RASSF3: variants seen among roughly 807,000 people sequenced by gnomAD.
RASSF3 encodes ras association domain-containing protein 3.
In RASSF3, 19 loss-of-function variants were observed where a neutral mutation model predicts 19.9. The observed-to-expected ratio is 0.96, with a 90% CI of 0.67 to 1.40. The LOEUF (loss-of-function observed/expected upper bound fraction) is 1.40. Among genes scored for constraint, RASSF3 ranks in the 40% most tolerant of loss-of-function variants. The probability of loss-of-function intolerance (pLI) is 0.00; values close to 1 mark genes in which losing one functional copy is unlikely to be tolerated. For synonymous variants in RASSF3, 110 were observed against 104.2 expected (o/e 1.06, Z -0.34); for missense variants, 306 against 289.8 (o/e 1.06, Z -0.41).
At chr12:64,642,056 C>CTATATATGGA (rs1311651977) in intron 1 of RASSF3, among the ~76,000 whole-genome samples, 2 of 151,920 alleles carry the variant, frequency 1.3e-5, no homozygotes, top group Non-Finnish European at 2.9e-5. Context: ...ATTCTGATTT[C>CTATATATGGA]TATATATGGA....
intron 1 of RASSF3, among the ~76,000 whole-genome samples, chr12:64,653,000 T>C (rs1362102158): frequency 6.6e-6 from 1 of 152,284 alleles, no homozygotes; most frequent in Non-Finnish European, 1.5e-5. Context: ...GCCTCTCTCA[T>C]TGGTTTATAC....
At chr12:64,669,020 C>T (rs1028286617) in intron 1 of RASSF3, among the ~76,000 whole-genome samples, 2 of 152,096 alleles carry the variant, frequency 1.3e-5, no homozygotes, top group South Asian at 4.1e-4. Context: ...AAGTCAAGTC[C>T]TAAATTGAAA....
rs533377647 is a variant in RASSF3, at chr12:64,603,657, GC to G, written c.294+61953del. ...GTAATCATATTAGCTAACATCATGA[GC>G]TTTTATTATGTGCCAGGCACAATGT... On this transcript the variant is annotated intron_variant, in intron 2 of 5. Transcript: ENST00000637125. Among the ~76,000 whole-genome samples the G allele has an allele frequency of 3.3e-4, 50 of 152,272 alleles. No individual in the cohort carries two copies. The South Asian group carries it at 9.7e-3, about 30-fold the overall frequency.
rs374727059 is a variant in RASSF3, at chr12:64,639,483, A to G, written c.111+28740A>G. Among the ~76,000 whole-genome samples the G allele has an allele frequency of 8.5e-5, 13 of 152,092 alleles. No homozygotes were observed. The East Asian group carries it at 2.3e-3, about 27-fold the overall frequency. On this transcript the variant is annotated intron_variant, in intron 1 of 4. Coordinates refer to ENST00000542104, the MANE Select transcript of RASSF3 (RefSeq NM_178169.4). ...TTTTGCGTGGCCTTAAAATTTCTAT[A>G]ATTTATTTGAAACTCTTTTTAAACC...
At chr12:64,628,461 G>A (rs1188728335) in intron 1 of RASSF3, 7 of 152,022 alleles carry the variant, frequency 4.6e-5, no homozygotes, top group Admixed American at 1.3e-4. Context: ...CAGCTTTTTG[G>A]GATTGAAGGA....
intron 1 of RASSF3, among the ~76,000 whole-genome samples, chr12:64,508,698 A>G (rs1289022393): frequency 1.3e-5 from 2 of 152,066 alleles, no homozygotes; most frequent in Non-Finnish European, 2.9e-5. Context: ...CAGCCTGACC[A>G]ACATGGAGAA....
At chr12:64,522,574 T>C (rs764458831) in intron 1 of RASSF3, among the ~76,000 whole-genome samples, 1 of 152,214 alleles carries the variant, frequency 6.6e-6, no homozygotes, top group Non-Finnish European at 1.5e-5. Context: ...CATTTTAGGA[T>C]TGCAGCTACC....
intron 2 of RASSF3, among the ~76,000 whole-genome samples, chr12:64,685,445 A>T (rs1031976263): frequency 2.0e-5 from 3 of 152,040 alleles, no homozygotes; most frequent in African/African-American, 7.3e-5. Flanking sequence ...GGGTTTTGCC[A>T]TATCACCCAG....
At chr12:64,672,051 T>G (rs13377735) in intron 1 of RASSF3, among the ~76,000 whole-genome samples, 7,749 of 152,214 alleles carry the variant, frequency 0.051, 679 homozygotes, top group African/African-American at 0.18. Flanking sequence ...CTATTTTTAT[T>G]TATTTAAAAT....
At chr12:64,515,110 G>A (rs979145497) in intron 1 of RASSF3, among the ~76,000 whole-genome samples, 1 of 151,566 alleles carries the variant, frequency 6.6e-6, no homozygotes, top group African/African-American at 2.4e-5. Context: ...AGGATGGAGT[G>A]CAATGCTGCA....
intron 1 of RASSF3, among the ~76,000 whole-genome samples, chr12:64,670,187 T>C (rs1185902674): frequency 6.6e-6 from 1 of 152,218 alleles, no homozygotes; most frequent in African/African-American, 2.4e-5. Flanking sequence ...GACAGCCTTG[T>C]GGCGTTGGTG....
At chr12:64,544,617 C>CAA (rs11311480), downstream of RASSF3, among the ~76,000 whole-genome samples, 34 of 142,140 alleles carry the variant, frequency 2.4e-4, no homozygotes, top group African/African-American at 4.1e-4. Flanking sequence ...GACCCTGTCT[C>CAA]AAAAAAAAAA....
At chr12:64,680,481 G>A (rs1225077961) in intron 1 of RASSF3, among the ~76,000 whole-genome samples, 1 of 152,046 alleles carries the variant, frequency 6.6e-6, no homozygotes, top group African/African-American at 2.4e-5. Flanking sequence ...CATGGCAGAA[G>A]CTCAGCAAAT....
chr12:64,691,970 G>C (rs866616921), intron 4 of RASSF3, among the ~76,000 whole-genome samples: 40 of 152,210 alleles, frequency 2.6e-4, no homozygotes, highest in African/African-American at 9.1e-4. Context: ...AAGTCTCCAG[G>C]CTAATTCCCT....
chr12:64,570,404 A>G (rs1016852613), intron 2 of RASSF3, among the ~76,000 whole-genome samples: 6 of 152,170 alleles, frequency 3.9e-5, no homozygotes, highest in Non-Finnish European at 5.9e-5. Context: ...TGGGCATCAT[A>G]ATAATAATAT....
At chr12:64,583,033 C>T (rs1869729953) in intron 2 of RASSF3, among the ~76,000 whole-genome samples, 1 of 152,086 alleles carries the variant, frequency 6.6e-6, no homozygotes. Flanking sequence ...GAGCCCTGTA[C>T]CTTTTGTTCT....
At chr12:64,637,943 T>C (rs1428024590) in intron 1 of RASSF3, among the ~76,000 whole-genome samples, 1 of 151,840 alleles carries the variant, frequency 6.6e-6, no homozygotes, top group Non-Finnish European at 1.5e-5. Context: ...GTGATTCTCC[T>C]GCCTCAGCCT....
intron 2 of RASSF3, among the ~76,000 whole-genome samples, chr12:64,559,776 T>C (rs1340822028): frequency 1.3e-5 from 2 of 152,232 alleles, no homozygotes; most frequent in East Asian, 1.9e-4. Context: ...GAAGTCTTGC[T>C]TTTCTAGTCT....
chr12:64,644,257 A>G (rs1871649832), intron 1 of RASSF3, among the ~76,000 whole-genome samples: 1 of 152,316 alleles, frequency 6.6e-6, no homozygotes, highest in South Asian at 2.1e-4. Flanking sequence ...CCTGAAATAT[A>G]TAGAGAGGGA....
Sources: gnomAD v4.1 joint callset for allele counts (sites outside exome capture counted in the v4.1 genomes callset) on GRCh38, gnomAD v4.1.1 for gene constraint, MANE v1.5 for transcripts, NCBI Gene and HGNC (gene_info 2026-07-23, HGNC 2026-07-21) for gene names.